LRGUK: variants seen among roughly 807,000 people sequenced by gnomAD.
LRGUK encodes leucine rich repeats and guanylate kinase domain containing.
A neutral mutation model predicts 76.0 loss-of-function variants in LRGUK; 65 were observed. The observed-to-expected ratio is 0.85, with a 90% CI of 0.70 to 1.05. LRGUK has a LOEUF of 1.05. Among genes scored for constraint, LRGUK ranks in the 50% least tolerant of loss-of-function variants. The pLI, the probability that LRGUK is intolerant of heterozygous loss-of-function variation, is 0.00. For synonymous variants in LRGUK, 268 were observed against 265.6 expected, an observed-to-expected ratio of 1.01 and a Z score of -0.09; for missense variants, 758 against 732.8, an observed-to-expected ratio of 1.03 and a Z score of -0.40.
downstream of LRGUK, chr7:134,210,383 T>A: frequency 2.5e-6 from 1 of 397,188 alleles, no homozygotes. Flanking sequence ...ACAAGAAGAT[T>A]AAAAAAAACA....
rs557017033 is a variant in LRGUK at position 134,188,596 on chromosome 7, T to C, written c.1335-3059T>C. Among the ~76,000 whole-genome samples, 59 of 152,278 alleles carry C rather than the reference T, an allele frequency of 3.9e-4. 1 individual carries two copies. The South Asian group carries it at 0.012, about 31-fold the overall frequency. The stretch of plus-strand genomic sequence containing the variant: ...GGCTTCATGGAGTTTGATACTTAGA[T>C]ACAGTATGTGCTGGAATCTTTTGTG... On this transcript the variant is annotated intron_variant, in intron 11 of 15. Coordinates refer to ENST00000645682, the Ensembl canonical transcript of LRGUK.
chr7:134,143,655 A>T (rs1440384610), intron 4 of LRGUK, among the ~76,000 whole-genome samples: 1 of 152,196 alleles, frequency 6.6e-6, no homozygotes, highest in Admixed American at 6.5e-5. Flanking sequence ...CCTTTTATTT[A>T]TCTAACTTTA....
At chr7:134,193,900 A>C (rs187519405) in intron 12 of LRGUK, among the ~76,000 whole-genome samples, 1 of 152,186 alleles carries the variant, frequency 6.6e-6, no homozygotes, top group African/African-American at 2.4e-5. Flanking sequence ...CTGCTCTGAC[A>C]CGTACAACAC....
Position 134,166,777 on chromosome 7 carries a change from C to G in LRGUK, c.939+3237C>G, listed in dbSNP as rs371604850. On this transcript the variant is annotated intron_variant, in intron 7 of 15. Coordinates refer to ENST00000645682, the Ensembl canonical transcript of LRGUK. The stretch of plus-strand genomic sequence containing the variant: ...TGCTGCTTTGTATAGAAGGAACATT[C>G]TTTGCCGAAGACTCCTTGCTTCTTG... Among the ~76,000 whole-genome samples the G allele has an allele frequency of 1.1e-4, 16 of 152,310 alleles. No homozygotes were observed. In the East Asian group the frequency reaches 1.2e-3, roughly 11 times the overall value.
At chr7:134,233,062 C>T (rs765110405) in intron 16 of LRGUK, among the ~76,000 whole-genome samples, 15 of 152,110 alleles carry the variant, frequency 9.9e-5, no homozygotes, top group Non-Finnish European at 1.5e-5. Flanking sequence ...TATAACCAAC[C>T]CTATCAGTGA....
Position 134,160,724 on chromosome 7 carries a change from G to A in LRGUK, c.795+2565G>A, listed in dbSNP as rs74434603. On this transcript the variant is annotated intron_variant, in intron 6 of 15. Coordinates refer to ENST00000645682, the Ensembl canonical transcript of LRGUK. The stretch of plus-strand genomic sequence containing the variant: ...CATTCCAAACTTTAAAATTCATTTC[G>A]TCACAGTAAATGCTGCTTGTTTTTT... 6.4e-3 allele frequency among the ~76,000 whole-genome samples: 973 copies of A among 152,240 alleles called. 10 individuals carry two copies. The highest frequency in any genetic ancestry group is 0.022 in the African/African-American group (927 of 41,548).
chr7:134,176,979 A>G (rs1799508210), exon 9 of LRGUK: 2 of 1,579,322 alleles, frequency 1.3e-6, no homozygotes, highest in East Asian at 2.2e-5. Context: ...TTAAATAGGA[A>G]AAGTCTGAAT....
At chr7:134,174,762 C>T in intron 8 of LRGUK, 126 bp downstream of exon 8, 1 of 662,210 alleles carries the variant, frequency 1.5e-6, no homozygotes, top group East Asian at 2.6e-5. Context: ...TAGAGTTTGT[C>T]TATCTTCCTT....
chr7:134,259,499 A>C (rs1340158137), intron 19 of LRGUK, among the ~76,000 whole-genome samples: 1 of 152,138 alleles, frequency 6.6e-6, no homozygotes, highest in Non-Finnish European at 1.5e-5. Context: ...GACCGGAGGA[A>C]CTAGCAAGAT....
chr7:134,214,736 C>T (rs1801388167), downstream of LRGUK, among the ~76,000 whole-genome samples: 1 of 150,160 alleles, frequency 6.7e-6, no homozygotes, highest in Non-Finnish European at 1.5e-5. Context: ...CTACAATGAC[C>T]TATGTTTATT....
At chr7:134,229,407 T>TAAG (rs1801841065) in intron 16 of LRGUK, among the ~76,000 whole-genome samples, 1 of 151,902 alleles carries the variant, frequency 6.6e-6, no homozygotes, top group Non-Finnish European at 1.5e-5. Flanking sequence ...TCTATCTATC[T>TAAG]ATCTATCTAT....
chr7:134,244,290 T>A (rs1293334405), intron 16 of LRGUK, among the ~76,000 whole-genome samples: 8 of 152,128 alleles, frequency 5.3e-5, no homozygotes, highest in Non-Finnish European at 1.2e-4. Flanking sequence ...AGAAAATTTT[T>A]AAAATCTACC....
In LRGUK at chr7:134,200,647, C is replaced by A. The variant is rs150191248; in HGVS notation, c.1748-834C>A. 9.2e-3 allele frequency among the ~76,000 whole-genome samples: 1,398 copies of A among 152,230 alleles called. 26 individuals carry two copies. Among genetic ancestry groups the A allele is most frequent in the African/African-American group, 0.032 (1,311 of 41,524 alleles). ...ACCATATGAAATTGTTGATATTCAA[C>A]TATTTTGACCTATGAAAACAGCAAT... On this transcript the variant is annotated intron_variant, in intron 14 of 15. Coordinates refer to ENST00000645682, the Ensembl canonical transcript of LRGUK.
intron 15 of LRGUK, among the ~76,000 whole-genome samples, chr7:134,220,689 C>G (rs1009615620): frequency 8.6e-5 from 13 of 152,008 alleles, no homozygotes; most frequent in African/African-American, 3.1e-4. Flanking sequence ...CCACCTTAGC[C>G]TGCCAATTAG....
At chr7:134,151,000 T>C (rs572679532) in intron 5 of LRGUK, among the ~76,000 whole-genome samples, 1 of 152,328 alleles carries the variant, frequency 6.6e-6, no homozygotes, top group South Asian at 2.1e-4. Flanking sequence ...ATTCATCAAC[T>C]ATTAATGAAA....
chr7:134,233,937 CA>C (rs1431990043), intron 16 of LRGUK, among the ~76,000 whole-genome samples: 2 of 152,182 alleles, frequency 1.3e-5, no homozygotes, highest in African/African-American at 4.8e-5. Context: ...CAGCACAACA[CA>C]AATTCATAAA....
At position 134,194,628 on chromosome 7, in the gene LRGUK, C is replaced by A. The variant is rs192375333; in HGVS notation, c.1432-2364C>A. Among the ~76,000 whole-genome samples the A allele has an allele frequency of 1.8e-3, 273 of 152,198 alleles. 3 individuals carry two copies. In the Middle Eastern group the frequency reaches 0.024, roughly 13 times the overall value. On this transcript the variant is annotated intron_variant, in intron 12 of 15. Transcript: ENST00000645682. ...TAGGGGTTCATGCCTGTAGTCCCAG[C>A]AACTCAGGAGGCTGAGGCAGAAGGA...
intron 11 of LRGUK, among the ~76,000 whole-genome samples, chr7:134,187,616 G>A (rs1050316679): frequency 5.9e-5 from 9 of 152,170 alleles, no homozygotes; most frequent in South Asian, 2.1e-4. Flanking sequence ...GAAATATGTT[G>A]AATGTTCTTT....
At chr7:134,234,807 C>G (rs944045927) in intron 16 of LRGUK, among the ~76,000 whole-genome samples, 1 of 151,206 alleles carries the variant, frequency 6.6e-6, no homozygotes, top group African/African-American at 2.4e-5. Flanking sequence ...CCATTATTTC[C>G]CTATCTACAC....
Sources: gnomAD v4.1 joint callset for allele counts (sites outside exome capture counted in the v4.1 genomes callset) on GRCh38, gnomAD v4.1.1 for gene constraint, MANE v1.5 for transcripts, NCBI Gene and HGNC (gene_info 2026-07-23, HGNC 2026-07-21) for gene names.